C9orf85: variants seen among roughly 807,000 people sequenced by gnomAD.
The protein encoded by C9orf85 is uncharacterized protein C9orf85.
Under a neutral mutation model 14.9 loss-of-function variants are expected in C9orf85, and 16 were observed. That is an observed-to-expected ratio of 1.08 (90% confidence interval 0.73 to 1.63). The LOEUF (loss-of-function observed/expected upper bound fraction) is 1.63. C9orf85 is among the 40% of genes most tolerant of loss of function. The pLI is 0.00. For missense variants in C9orf85, 172 were observed against 186.1 expected, an observed-to-expected ratio of 0.92 and a Z score of 0.44; for synonymous variants, 45 against 56.8, an observed-to-expected ratio of 0.79 and a Z score of 0.93.
At chr9:71,919,471 C>T (rs991331787) in intron 1 of C9orf85, among the ~76,000 whole-genome samples, 1 of 152,198 alleles carries the variant, frequency 6.6e-6, no homozygotes, top group Non-Finnish European at 1.5e-5. Flanking sequence ...ATAGAGGTCA[C>T]CCTCTTTTAT....
At chr9:71,943,120 T>G (rs561891192) in intron 1 of C9orf85, among the ~76,000 whole-genome samples, 59 of 152,208 alleles carry the variant, frequency 3.9e-4, no homozygotes, top group South Asian at 1.9e-3. Flanking sequence ...GTTACAGCAG[T>G]AGTGGCATAA....
At chr9:71,970,351 G>A (rs917950621) in intron 2 of C9orf85, among the ~76,000 whole-genome samples, 1 of 152,160 alleles carries the variant, frequency 6.6e-6, no homozygotes, top group African/African-American at 2.4e-5. Flanking sequence ...TATTGCTCTT[G>A]TATAGAGTGT....
intron 1 of C9orf85, among the ~76,000 whole-genome samples, chr9:71,929,577 T>C (rs954712043): frequency 1.3e-5 from 2 of 152,152 alleles, no homozygotes; most frequent in East Asian, 1.9e-4. Context: ...TCTTAGAACA[T>C]TGCTTAGCAA....
At chr9:71,962,171 ATAAAAT>A (rs1822537854) in intron 2 of C9orf85, among the ~76,000 whole-genome samples, 1 of 152,206 alleles carries the variant, frequency 6.6e-6, no homozygotes, top group Non-Finnish European at 1.5e-5. Flanking sequence ...GTCTCAAAAA[ATAAAAT>A]TAAGAATTAT....
downstream of C9orf85, among the ~76,000 whole-genome samples, chr9:71,974,437 T>C (rs1209765329): frequency 6.6e-6 from 1 of 151,850 alleles, no homozygotes; most frequent in Admixed American, 6.6e-5. Flanking sequence ...AGAGACGAAG[T>C]TTCACCATGT....
chr9:71,916,669 G>C (rs1201047209), intron 1 of C9orf85, among the ~76,000 whole-genome samples: 1 of 152,144 alleles, frequency 6.6e-6, no homozygotes, highest in East Asian at 1.9e-4. Context: ...AATACAAGTT[G>C]AGTATTATTT....
At chr9:71,981,336 T>C (rs1384511737) in intron 3 of C9orf85, among the ~76,000 whole-genome samples, 3 of 152,232 alleles carry the variant, frequency 2.0e-5, no homozygotes, top group Non-Finnish European at 4.4e-5. Context: ...CAAGTAAATT[T>C]TGCCCACACA....
At chr9:71,965,322 G>A (rs927537929) in intron 2 of C9orf85, among the ~76,000 whole-genome samples, 5 of 152,074 alleles carry the variant, frequency 3.3e-5, no homozygotes, top group Non-Finnish European at 7.4e-5. Context: ...CTGATTCGTC[G>A]GGTGTGAGTT....
chr9:71,915,176 T>C (rs1284190008), intron 1 of C9orf85, among the ~76,000 whole-genome samples: 1 of 14,826 alleles, frequency 6.7e-5, no homozygotes, highest in East Asian at 0.017. Context: ...CAAAAATTAT[T>C]ATTATTATTT....
At chr9:71,967,006 C>G (rs1352019114) in intron 2 of C9orf85, among the ~76,000 whole-genome samples, 1 of 152,220 alleles carries the variant, frequency 6.6e-6, no homozygotes, top group African/African-American at 2.4e-5. Flanking sequence ...GTTCAAAATA[C>G]TTAATAAGTT....
At chr9:71,978,405 C>G (rs1262311910), downstream of C9orf85, among the ~76,000 whole-genome samples, 2 of 152,138 alleles carry the variant, frequency 1.3e-5, no homozygotes, top group Non-Finnish European at 2.9e-5. Context: ...CCACTGCGCC[C>G]GGTCACTTTT....
At chr9:71,959,162 A>G (rs1822449875) in intron 2 of C9orf85, among the ~76,000 whole-genome samples, 2 of 150,492 alleles carry the variant, frequency 1.3e-5, no homozygotes, top group Non-Finnish European at 3.0e-5. Flanking sequence ...TTTGGGACAG[A>G]GTTTCACTCT....
downstream of C9orf85, among the ~76,000 whole-genome samples, chr9:71,975,039 A>T (rs1196256002): frequency 6.6e-6 from 1 of 152,224 alleles, no homozygotes; most frequent in African/African-American, 2.4e-5. Flanking sequence ...ATTTCAGCAT[A>T]AAAAAAGTGC....
chr9:71,959,186 G>A (rs960167318), intron 2 of C9orf85, among the ~76,000 whole-genome samples: 1 of 151,176 alleles, frequency 6.6e-6, no homozygotes, highest in Admixed American at 6.6e-5. Context: ...TGCCCAGGCT[G>A]GAGTACAATG....
intron 3 of C9orf85, among the ~76,000 whole-genome samples, chr9:71,982,074 C>T (rs148767513): frequency 2.0e-5 from 3 of 152,162 alleles, no homozygotes; most frequent in Non-Finnish European, 4.4e-5. Context: ...ACTCCCCAGC[C>T]CCAAGCAACT....
At chr9:71,976,402 C>T (rs1363463973), downstream of C9orf85, among the ~76,000 whole-genome samples, 3 of 152,130 alleles carry the variant, frequency 2.0e-5, no homozygotes, top group East Asian at 1.9e-4. Context: ...GTGGCTCATG[C>T]CTGTAATCCC....
chr9:71,932,520 A>G (rs373524387), intron 1 of C9orf85, among the ~76,000 whole-genome samples: 2 of 152,188 alleles, frequency 1.3e-5, no homozygotes, highest in African/African-American at 4.8e-5. Context: ...TCTTCTACAG[A>G]GTCATGACTT....
At chr9:71,937,037 C>A (rs75578553) in intron 1 of C9orf85, among the ~76,000 whole-genome samples, 1,954 of 152,196 alleles carry the variant, frequency 0.013, 43 homozygotes, top group African/African-American at 0.044. Flanking sequence ...GGGATTATAG[C>A]CCTGAGCTAC....
chr9:71,983,222 C>T (rs1286551336), exon 4 of C9orf85: 2 of 152,454 alleles, frequency 1.3e-5, no homozygotes, highest in East Asian at 1.9e-4. Flanking sequence ...TCTCCATCTA[C>T]TGACCTTGTG....
Sources: gnomAD v4.1 joint callset for allele counts (sites outside exome capture counted in the v4.1 genomes callset) on GRCh38, gnomAD v4.1.1 for gene constraint, MANE v1.5 for transcripts, NCBI Gene and HGNC (gene_info 2026-07-23, HGNC 2026-07-21) for gene names.